The following SLC20A1 variants were observed in gnomAD, a reference collection of about 807,000 sequenced individuals.
The protein encoded by SLC20A1 is sodium-dependent phosphate transporter 1.
A neutral mutation model predicts 62.7 loss-of-function variants in SLC20A1; 28 were observed. The observed-to-expected ratio is 0.45, with a 90% CI of 0.33 to 0.61. The LOEUF is 0.61. Ranked by LOEUF, SLC20A1 falls within the 20% of genes least tolerant of loss-of-function variation. SLC20A1 has a pLI of 0.02. For missense variants in SLC20A1, 673 were observed against 838.6 expected, an observed-to-expected ratio of 0.80 and a Z score of 2.44; for synonymous variants, 305 against 302.9, an observed-to-expected ratio of 1.01 and a Z score of -0.07.
At chr2:112,648,459 G>A (rs573385493) in intron 4 of SLC20A1, among the ~76,000 whole-genome samples, 1 of 152,324 alleles carries the variant, frequency 6.6e-6, no homozygotes, top group East Asian at 1.9e-4. Context: ...AAACAAAGTT[G>A]TCCTTTTTCT....
At position 112,657,169 on chromosome 2, in the gene SLC20A1, G is replaced by A. The variant is rs1337107177; in HGVS notation, c.706G>A (p.Val236Met). Reference protein sequence around the residue: ...LPLWGTILISVGCAVFCALIV... With the variant: ...LPLWGTILISMGCAVFCALIV... ...TCTGTGGGGTACCATCCTCATCTCG[G>A]TGGGATGTGCAGTTTTCTGTGCCCT... Residue 236 changes from valine to methionine, a missense_variant, in exon 6 of 11, where the codon GTG becomes ATG. By Grantham distance (21) the Val-to-Met change is conservative. Transcript: ENST00000272542. 4 of 1,614,002 alleles carry A rather than the reference G, an allele frequency of 2.5e-6. No homozygotes were observed. The highest frequency in any genetic ancestry group is 3.4e-6 in the Non-Finnish European group (4 of 1,179,920).
At chr2:112,649,333 T>C (rs1686365788) in intron 4 of SLC20A1, among the ~76,000 whole-genome samples, 1 of 152,236 alleles carries the variant, frequency 6.6e-6, no homozygotes, top group African/African-American at 2.4e-5. Flanking sequence ...TTTGAGGATC[T>C]TCCCCCACTC....
chr2:112,656,286 T>C (rs1450866903), intron 5 of SLC20A1, among the ~76,000 whole-genome samples: 1 of 146,760 alleles, frequency 6.8e-6, no homozygotes, highest in Non-Finnish European at 1.5e-5. Context: ...ACCTCCGCCC[T>C]GCCAGGTTCA....
At position 112,647,398 on chromosome 2, in the gene SLC20A1, A is replaced by G. The variant is rs770231199; in HGVS notation, c.409A>G (p.Thr137Ala). 138 of 1,613,992 alleles carry G rather than the reference A, an allele frequency of 8.6e-5. No individual in the cohort carries two copies. The highest frequency in any genetic ancestry group is 1.0e-4 in the Non-Finnish European group (121 of 1,180,008). Reference sequence around the variant, plus strand: ...TGGAACCCATTGTATTGTTGGTGCAACTATTGGTTTCTCCCTCGTGGCAAA... The same window carrying G: ...TGGAACCCATTGTATTGTTGGTGCAGCTATTGGTTTCTCCCTCGTGGCAAA... ...ISGTHCIVGA[T>A]IGFSLVAKGQ... is the part of the protein sequence containing the mutation. Residue 137 changes from threonine to alanine, a missense_variant, in exon 3 of 11, where the codon ACT (threonine) becomes GCT (alanine). Coordinates refer to ENST00000272542, the MANE Select transcript of SLC20A1 (RefSeq NM_005415.5).
chr2:112,648,044 G>T (rs1382116053), intron 4 of SLC20A1, among the ~76,000 whole-genome samples: 3 of 152,150 alleles, frequency 2.0e-5, no homozygotes, highest in Admixed American at 1.3e-4. Context: ...CACATTATTT[G>T]TTTAAACCAC....
At position 112,659,282 on chromosome 2, in the gene SLC20A1, A is replaced by G; in HGVS notation, c.1127A>G (p.Tyr376Cys). The G allele has an allele frequency of 6.2e-7, 1 of 1,614,224 alleles. No homozygotes were observed. Among genetic ancestry groups the G allele is most frequent in the Non-Finnish European group, 8.5e-7 (1 of 1,180,038 alleles). The change falls in exon 8 of 11, where the codon TAC (tyrosine) becomes TGC (cysteine). Residue 376 changes from tyrosine (Y) to cysteine (C), a missense_variant. Physicochemically the swap from Tyr to Cys is radical, Grantham distance 194. Coordinates refer to ENST00000272542, the MANE Select transcript of SLC20A1 (RefSeq NM_005415.5). ...AACCAAATAAACTCCAGTGGCCACT[A>G]CCAGTATCACACCGTGCATAAGGAT... The part of the protein sequence containing the change: ...VSNQINSSGH[Y>C]QYHTVHKDSG...
intron 4 of SLC20A1, among the ~76,000 whole-genome samples, chr2:112,648,421 C>T (rs1054726093): frequency 6.6e-6 from 1 of 152,202 alleles, no homozygotes; most frequent in Non-Finnish European, 1.5e-5. Flanking sequence ...GACTGAGTTA[C>T]AGTGAGGATA....
chr2:112,658,589 T>C (rs1333796943), intron 6 of SLC20A1: 3 of 453,894 alleles, frequency 6.6e-6, no homozygotes, highest in African/African-American at 2.0e-5. Flanking sequence ...AAACCTAAAA[T>C]ATTTACAGAA....
intron 4 of SLC20A1, among the ~76,000 whole-genome samples, chr2:112,649,755 G>A (rs1686385975): frequency 6.6e-6 from 1 of 152,128 alleles, no homozygotes. Context: ...AAAGAAAATA[G>A]GGCTTTTGGC....
In SLC20A1 at chr2:112,651,181, CCTTTA is replaced by C. The variant is rs1449942970; in HGVS notation, c.562-1514_562-1510del. Among the ~76,000 whole-genome samples the C allele has an allele frequency of 3.3e-5, 5 of 152,050 alleles. 1 individual carries two copies. The highest frequency in any genetic ancestry group is 6.3e-3 in the Middle Eastern group (2 of 316). ...TCATCTCTGCTAATTTGAAATGGTACCTTTACTTTACACATGGGTCTGAGCTTTCC... is the reference window on the plus strand; with the variant it reads ...TCATCTCTGCTAATTTGAAATGGTACCTTTACACATGGGTCTGAGCTTTCC... On this transcript the variant is annotated intron_variant, in intron 4 of 10. Transcript: ENST00000272542.
rs1329379064 is a variant in SLC20A1, at chr2:112,659,520, C to G, written c.1365C>G (p.Ser455=). ...AGCTGACATGGCCTAATGCAGACTC[C>G]AAGAAGCGAATTCGAATGGACAGTT... ...MEKLTWPNAD[S]KKRIRMDSYT... Residue 455 remains serine, a synonymous_variant, in exon 8 of 11, where the codon TCC becomes TCG. Transcript: ENST00000272542. 6.2e-7 allele frequency: 1 copy of G among 1,614,200 alleles called. No individual in the cohort carries two copies. The highest frequency in any genetic ancestry group is 8.5e-7 in the Non-Finnish European group (1 of 1,180,046).
intron 7 of SLC20A1, 54 bp downstream of exon 7, chr2:112,659,148 A>G: frequency 6.2e-7 from 1 of 1,605,734 alleles, no homozygotes; most frequent in South Asian, 1.1e-5. Flanking sequence ...GAGGAGGCTT[A>G]TTGTTTTGGA....
intron 5 of SLC20A1, among the ~76,000 whole-genome samples, chr2:112,653,542 C>T (rs918047109): frequency 6.6e-6 from 1 of 152,082 alleles, no homozygotes; most frequent in African/African-American, 2.4e-5. Context: ...ATACTGTGAC[C>T]CACTGGATGA....
At position 112,646,701 on chromosome 2, in the gene SLC20A1, T is replaced by A. The variant is rs1686288248; in HGVS notation, c.-128T>A. 1 of 368,102 alleles carries A rather than the reference T, an allele frequency of 2.7e-6. No individual in the cohort carries two copies. Among genetic ancestry groups the A allele is most frequent in the Non-Finnish European group, 4.4e-6 (1 of 226,052 alleles). The allele number at this position is 368,102 out of a possible 1,614,324, so 22.8% of individuals were successfully genotyped here. A position where few individuals can be genotyped will look rare whatever the true frequency, so the allele number is the denominator to read the frequency against. ...ACTCCCCAGCTCGGTTTCTGTGCCG[T>A]AGTTTACAGTATTTAATTTTATATA... On this transcript the variant is annotated 5_prime_UTR_variant, in exon 2 of 11. Transcript: ENST00000272542.
Position 112,659,201 on chromosome 2 carries a change from T to G in SLC20A1, c.1049-3T>G. The G allele has an allele frequency of 1.2e-6, 2 of 1,609,654 alleles. No homozygotes were observed. The highest frequency in any genetic ancestry group is 1.7e-6 in the Non-Finnish European group (2 of 1,176,462). ...TGAATGTCACCTTGGTGATCTTGAC[T>G]AGGTGCAGTGCAGTTGCCTAATGGG... is the stretch of plus-strand genomic sequence containing the variant. On this transcript the variant is annotated splice_polypyrimidine_tract_variant and splice_region_variant and intron_variant, in intron 7 of 10. Transcript: ENST00000272542.
Position 112,646,789 on chromosome 2 carries a change from G to T in SLC20A1, c.-40G>T. 1 of 1,419,464 alleles carries T rather than the reference G, an allele frequency of 7.0e-7. No homozygotes were observed. Among genetic ancestry groups the T allele is most frequent in the Non-Finnish European group, 9.8e-7 (1 of 1,021,210 alleles). 87.9% of individuals were successfully genotyped at this position (1,419,464 alleles called of 1,614,324 possible). On this transcript the variant is annotated 5_prime_UTR_variant, in exon 2 of 11. Coordinates refer to ENST00000272542, the MANE Select transcript of SLC20A1 (RefSeq NM_005415.5). ...ATTCTGTTTACACATCTTGAAAGGC[G>T]CTCAGTAGTTCTCTTACTAAACAAC...
At chr2:112,652,373 T>G (rs1401434144) in intron 4 of SLC20A1, 1 of 336,600 alleles carries the variant, frequency 3.0e-6, no homozygotes, top group East Asian at 6.3e-5. Flanking sequence ...GAGTATAGCC[T>G]ATCCTCAGGT....
chr2:112,652,654 GT>G lies in SLC20A1; in HGVS notation c.562-46del, dbSNP rs748532766. ...CTGTTAAAAGATTCTGTGGAAATGG[GT>G]TAACCTTTATACCTTTTAAGATATT... On this transcript the variant is annotated intron_variant, in intron 4 of 10. Transcript: ENST00000272542. 7 of 1,463,866 alleles carry G rather than the reference GT, an allele frequency of 4.8e-6. No homozygotes were observed. The South Asian group carries it at 6.8e-5, about 14-fold the overall frequency. 90.7% of individuals were successfully genotyped at this position (1,463,866 alleles called of 1,614,324 possible). A position where few individuals can be genotyped will look rare whatever the true frequency, so the allele number is the denominator to read the frequency against.
intron 5 of SLC20A1, among the ~76,000 whole-genome samples, chr2:112,655,683 A>G (rs951208642): frequency 6.6e-6 from 1 of 152,046 alleles, no homozygotes; most frequent in Non-Finnish European, 1.5e-5. Context: ...ATAGGATTGT[A>G]TAGTGCTTTA....
Sources: gnomAD v4.1 joint callset for allele counts (sites outside exome capture counted in the v4.1 genomes callset) on GRCh38, gnomAD v4.1.1 for gene constraint, MANE v1.5 for transcripts, NCBI Gene and HGNC (gene_info 2026-07-23, HGNC 2026-07-21) for gene names.